TRIM63: variants seen among roughly 807,000 people sequenced by gnomAD.
The protein encoded by TRIM63 is tripartite motif containing 63, also known as E3 ubiquitin-protein ligase TRIM63.
TRIM63 carries 48 observed loss-of-function variants against 46.0 expected under a neutral mutation model. The ratio of observed to expected loss-of-function variants is 1.04; its 90% CI spans 0.83 to 1.33. TRIM63 has a LOEUF of 1.33. Among genes scored for constraint, TRIM63 ranks in the 40% most tolerant of loss-of-function variants. TRIM63 has a pLI of 0.00. For synonymous variants in TRIM63, 175 were observed against 162.8 expected (o/e 1.08, Z -0.57); for missense variants, 455 against 441.2 (o/e 1.03, Z -0.28).
At chr1:26,054,986 A>G (rs914310239) in intron 7 of TRIM63, among the ~76,000 whole-genome samples, 3 of 149,964 alleles carry the variant, frequency 2.0e-5, no homozygotes, top group Non-Finnish European at 4.5e-5. Flanking sequence ...AAAAAAAAAA[A>G]TAGTATCTCC....
At chr1:26,060,424 G>A (rs2050613404) in intron 3 of TRIM63, 63 bp from the exon 4 acceptor site, 3 of 1,265,422 alleles carry the variant, frequency 2.4e-6, no homozygotes, top group South Asian at 2.4e-5. Flanking sequence ...CTACCCACTG[G>A]GGCATGGCAG....
intron 2 of TRIM63, among the ~76,000 whole-genome samples, chr1:26,062,681 T>G (rs981340777): frequency 6.6e-6 from 1 of 152,232 alleles, no homozygotes; most frequent in African/African-American, 2.4e-5. Context: ...ACTACCTTTC[T>G]TCCTTGAGAC....
chr1:26,052,327 C>T (rs2124434015), intron 8 of TRIM63, among the ~76,000 whole-genome samples: 1 of 152,316 alleles, frequency 6.6e-6, no homozygotes, highest in East Asian at 1.9e-4. Flanking sequence ...AGAACCCAGG[C>T]TCCTAATCAA....
At chr1:26,058,349 A>G (rs757787815) in intron 5 of TRIM63, 41 bp downstream of exon 5, 66 of 1,554,458 alleles carry the variant, frequency 4.2e-5, no homozygotes, top group Non-Finnish European at 5.7e-5. Flanking sequence ...AGAGCTGTAG[A>G]GTTGAACTGA....
At position 26,066,455 on chromosome 1, in the gene TRIM63, G is replaced by A; in HGVS notation, c.160-15C>T. ...GGATTTGCAGCCTGCAGGTGGCAAA[G>A]GTCAAGGTGAGGCCTGGGCTCCCTA... On this transcript the variant is annotated splice_polypyrimidine_tract_variant and intron_variant, in intron 1 of 8. Transcript: ENST00000374272. The A allele has an allele frequency of 5.8e-6, 9 of 1,558,644 alleles. No individual in the cohort carries two copies. Among genetic ancestry groups the A allele is most frequent in the Non-Finnish European group, 7.8e-6 (9 of 1,151,360 alleles).
intron 7 of TRIM63, among the ~76,000 whole-genome samples, chr1:26,056,757 A>AT (rs539855797): frequency 0.029 from 3,980 of 139,030 alleles, 80 homozygotes; most frequent in Non-Finnish European, 0.038. Context: ...GACTATATGA[A>AT]TTTTTTTTTT....
chr1:26,054,738 G>A (rs958475711), intron 7 of TRIM63, among the ~76,000 whole-genome samples: 4 of 151,802 alleles, frequency 2.6e-5, no homozygotes, highest in Non-Finnish European at 4.4e-5. Flanking sequence ...AGGCTGAGGC[G>A]GTCAGATCAC....
chr1:26,059,357 G>A lies in TRIM63; in HGVS notation c.598-734C>T, dbSNP rs778114203. On this transcript the variant is annotated intron_variant, in intron 4 of 8. Coordinates refer to ENST00000374272, the MANE Select transcript of TRIM63 (RefSeq NM_032588.4). ...TTTTAGCTGTGTTTCCCTTTTAGCT[G>A]TGTGACCTTCAACAAATTAACGTTT... 1.6e-3 allele frequency among the ~76,000 whole-genome samples: 237 copies of A among 152,120 alleles called. 1 individual carries two copies. The highest frequency in any genetic ancestry group is 2.4e-3 in the Non-Finnish European group (166 of 68,000).
In TRIM63 at chr1:26,061,530, T is replaced by A. The variant is rs963878506; in HGVS notation, c.333-196A>T. Among the ~76,000 whole-genome samples, 4 of 152,184 alleles carry A rather than the reference T, an allele frequency of 2.6e-5. 1 individual carries two copies. The highest frequency in any genetic ancestry group is 4.8e-5 in the African/African-American group (2 of 41,444). Reference sequence around the variant, plus strand: ...CTCAGTGTTTGGCTGCCCTAAAATCTTTCATCTTCTGGGGACCAAGGACTT... The same window carrying A: ...CTCAGTGTTTGGCTGCCCTAAAATCATTCATCTTCTGGGGACCAAGGACTT... On this transcript the variant is annotated intron_variant, in intron 2 of 8. Coordinates refer to ENST00000374272, the MANE Select transcript of TRIM63 (RefSeq NM_032588.4).
At chr1:26,056,063 C>T (rs955488119) in intron 7 of TRIM63, among the ~76,000 whole-genome samples, 8 of 152,210 alleles carry the variant, frequency 5.3e-5, no homozygotes, top group Non-Finnish European at 4.4e-5. Flanking sequence ...CTTGTTCCTT[C>T]ATCATCCCCT....
At position 26,060,342 on chromosome 1, in the gene TRIM63, A is replaced by G; in HGVS notation, c.521T>C (p.Ile174Thr). The change falls in exon 4 of 9, where the codon ATC becomes ACC. Residue 174 changes from isoleucine to threonine, a missense_variant. Ile to Thr is a moderately conservative substitution (Grantham distance 89). Transcript: ENST00000374272. Reference sequence around the variant, plus strand: ...GTCATTCCCCGCCACCAGCATGGAGATACAGTTATTCAGTTCAGTCTAGAT... The same window carrying G: ...GTCATTCCCCGCCACCAGCATGGAGGTACAGTTATTCAGTTCAGTCTAGAT... ...QGQKTELNNC[I>T]SMLVAGNDRV... 6.2e-7 allele frequency: 1 copy of G among 1,613,930 alleles called. No homozygotes were observed. Among genetic ancestry groups the G allele is most frequent in the Non-Finnish European group, 8.5e-7 (1 of 1,179,968 alleles).
At position 26,051,561 on chromosome 1, in the gene TRIM63, C is replaced by T; in HGVS notation, c.*312G>A. 1 of 253,734 alleles carries T rather than the reference C, an allele frequency of 3.9e-6. No homozygotes were observed. The highest frequency in any genetic ancestry group is 7.5e-6 in the Non-Finnish European group (1 of 133,568). The allele number at this position is 253,734 out of a possible 1,614,324, so 15.7% of individuals were successfully genotyped here. A position where few individuals can be genotyped will look rare whatever the true frequency, so the allele number is the denominator to read the frequency against. On this transcript the variant is annotated 3_prime_UTR_variant, in exon 9 of 9. Transcript: ENST00000374272. ...TCCTTTACAAAAAGCACCAAATTGG[C>T]ATACATATACAAGTATATACAAAAA...
chr1:26,061,408 G>T, intron 2 of TRIM63, 74 bp from the exon 3 acceptor site: 1 of 1,522,274 alleles, frequency 6.6e-7, no homozygotes, highest in Non-Finnish European at 8.9e-7. Context: ...CAATGCACCA[G>T]TCGCAGCTAC....
Position 26,067,516 on chromosome 1 carries a change from C to T in TRIM63, c.-22G>A, listed in dbSNP as rs1347955059. 2 of 1,612,476 alleles carry T rather than the reference C, an allele frequency of 1.2e-6. No homozygotes were observed. Among genetic ancestry groups the T allele is most frequent in the Non-Finnish European group, 1.7e-6 (2 of 1,179,660 alleles). ...CCATTCTGTGGGAAGGAATGAGAGCCACGCCTAGCTGCCTCCTCTACTAAC... is the reference window on the plus strand; with the variant it reads ...CCATTCTGTGGGAAGGAATGAGAGCTACGCCTAGCTGCCTCCTCTACTAAC... On this transcript the variant is annotated 5_prime_UTR_variant, in exon 1 of 9. Transcript: ENST00000374272.
intron 2 of TRIM63, among the ~76,000 whole-genome samples, chr1:26,062,210 C>A (rs575426993): frequency 6.7e-6 from 1 of 149,816 alleles, no homozygotes; most frequent in East Asian, 2.0e-4. Flanking sequence ...GCAGAGGTTG[C>A]GGTGAGCCGA....
intron 2 of TRIM63, among the ~76,000 whole-genome samples, chr1:26,064,574 T>C (rs2050657278): frequency 6.6e-6 from 1 of 152,218 alleles, no homozygotes; most frequent in Non-Finnish European, 1.5e-5. Flanking sequence ...CAGGAATGCC[T>C]TCCCGGGTTA....
intron 8 of TRIM63, 27 bp from the exon 9 acceptor site, chr1:26,051,910 C>G: frequency 7.6e-7 from 1 of 1,316,138 alleles, no homozygotes; most frequent in South Asian, 3.0e-5. Context: ...GATACAGAGG[C>G]AAGGGGTGAG....
At chr1:26,058,884 G>A (rs2050597208) in intron 4 of TRIM63, among the ~76,000 whole-genome samples, 1 of 152,094 alleles carries the variant, frequency 6.6e-6, no homozygotes, top group African/African-American at 2.4e-5. Flanking sequence ...AGGCTCTAGG[G>A]TCACATGACA....
At chr1:26,057,162 C>T (rs1185702858) in intron 7 of TRIM63, 41 bp downstream of exon 7, 1 of 1,550,972 alleles carries the variant, frequency 6.4e-7, no homozygotes, top group South Asian at 1.1e-5. Flanking sequence ...TTCCAGGGGT[C>T]AGGCAGGCAA....
Sources: allele counts gnomAD v4.1 joint callset (sites outside exome capture counted in the v4.1 genomes callset), GRCh38; gene constraint gnomAD v4.1.1; transcripts MANE v1.5; gene names NCBI Gene and HGNC (gene_info 2026-07-23, HGNC 2026-07-21).